Variants in GPC3 observed in about 807,000 individuals in gnomAD.
GPC3 encodes glypican-3.
In GPC3, 3 loss-of-function variants were observed where a neutral mutation model predicts 34.4. That is an observed-to-expected ratio of 0.09 (90% CI 0.04 to 0.23). The LOEUF (loss-of-function observed/expected upper bound fraction) is 0.23. GPC3 is among the 10% of genes least tolerant of loss of function. The pLI is 1.00. For missense variants in GPC3, 351 were observed against 445.6 expected (o/e 0.79, Z 1.91); for synonymous variants, 177 against 174.0 (o/e 1.02, Z -0.13).
intron 6 of GPC3, among the ~76,000 whole-genome samples, chrX:133,629,715 T>C (rs1268863298): frequency 9.2e-6 from 1 of 108,598 alleles, no homozygotes; most frequent in Non-Finnish European, 1.9e-5. Flanking sequence ...TTCTTTGAGA[T>C]TGCTAAGGAA....
chrX:133,548,007 A>C (rs895244248), intron 7 of GPC3, among the ~76,000 whole-genome samples: 3 of 111,437 alleles, frequency 2.7e-5, no homozygotes, highest in Non-Finnish European at 5.6e-5. Flanking sequence ...TTCTCAGGAA[A>C]CTTACATTTG....
chrX:133,975,593 A>G (rs1476510351), intron 1 of GPC3, among the ~76,000 whole-genome samples: 7 of 111,305 alleles, frequency 6.3e-5, no homozygotes, highest in Non-Finnish European at 3.8e-5. Flanking sequence ...GCCCAGCTCT[A>G]TAGCAGGCCA....
At position 133,985,402 on chromosome X, in the gene GPC3, G is replaced by T; in HGVS notation, c.48C>A (p.Leu16=). Residue 16 remains leucine (L), a synonymous_variant, in exon 1 of 8, where the codon CTC becomes CTA. Transcript: ENST00000370818. The part of the protein sequence containing the change: ...RTACLVVAML[L]SLDFPGQAQP... ...GCGCCTGTCCCGGGAAGTCCAAGCT[G>T]AGCAGCATCGCCACCACCAAGCACG... is the stretch of plus-strand genomic sequence containing the variant. The T allele has an allele frequency of 8.4e-7, 1 of 1,188,513 alleles. No individual in the cohort carries two copies. The highest frequency in any genetic ancestry group is 3.1e-5 in the East Asian group (1 of 32,598).
chrX:133,688,092 A>G (rs1250331959), intron 5 of GPC3, among the ~76,000 whole-genome samples: 1 of 112,433 alleles, frequency 8.9e-6, no homozygotes, highest in East Asian at 2.8e-4. Flanking sequence ...TAACTCAGCA[A>G]TCTGGGTTCC....
chrX:133,556,188 G>A lies in GPC3; in HGVS notation c.1574-19895C>T, dbSNP rs1164299818. Among the ~76,000 whole-genome samples the A allele has an allele frequency of 1.3e-4, 15 of 111,768 alleles. No homozygotes were observed. The Admixed American group carries it at 1.4e-3, about 11-fold the overall frequency. ...TCATCCTCCCTGAACTCTTGATAGA[G>A]TTCTTTTATTTTGTTAATTTTAAAA... On this transcript the variant is annotated intron_variant, in intron 7 of 7. Transcript: ENST00000370818.
At chrX:133,765,075 C>T (rs1304697994) in intron 2 of GPC3, among the ~76,000 whole-genome samples, 2 of 111,762 alleles carry the variant, frequency 1.8e-5, no homozygotes, top group Non-Finnish European at 3.8e-5. Flanking sequence ...AATCCACATA[C>T]TGAGTAGTTA....
At chrX:133,897,283 C>A in intron 2 of GPC3, among the ~76,000 whole-genome samples, 1 of 99,647 alleles carries the variant, frequency 1.0e-5, no homozygotes, top group Non-Finnish European at 2.0e-5. Context: ...CTCCTGGACA[C>A]AAGCCATCCA....
At chrX:133,869,823 T>C (rs984013192) in intron 2 of GPC3, among the ~76,000 whole-genome samples, 16 of 111,021 alleles carry the variant, frequency 1.4e-4, no homozygotes, top group South Asian at 7.8e-4. Flanking sequence ...GGCGCGGTGG[T>C]GGGCGCCTGT....
Sources: allele counts gnomAD v4.1 joint callset (sites outside exome capture counted in the v4.1 genomes callset), GRCh38; gene constraint gnomAD v4.1.1; transcripts MANE v1.5; gene names NCBI Gene and HGNC (gene_info 2026-07-23, HGNC 2026-07-21).